The following RNF40 variants were observed in gnomAD, a reference collection of about 807,000 sequenced individuals.
RNF40 encodes ring finger protein 40.
In RNF40, 39 loss-of-function variants were observed where a neutral mutation model predicts 123.3. The ratio of observed to expected loss-of-function variants is 0.32; its 90% CI spans 0.24 to 0.41. RNF40 has a LOEUF of 0.41. RNF40 is among the 10% of genes least tolerant of loss of function. The pLI is 1.00. For missense variants in RNF40, 1,003 were observed against 1,319.9 expected, an observed-to-expected ratio of 0.76 and a Z score of 3.72; for synonymous variants, 538 against 526.0, an observed-to-expected ratio of 1.02 and a Z score of -0.31.
rs764192018 is a variant in RNF40, at chr16:30,769,254, C to T, written c.2316C>T (p.Asn772=). 2.2e-5 allele frequency: 36 copies of T among 1,614,108 alleles called. 1 individual carries two copies. Among genetic ancestry groups the T allele is most frequent in the Middle Eastern group, 1.6e-4 (1 of 6,084 alleles). The change falls in exon 16 of 20, where the codon AAC becomes AAT. Residue 772 remains asparagine, a synonymous_variant. Coordinates refer to ENST00000324685, the MANE Select transcript of RNF40 (RefSeq NM_014771.4). The stretch of plus-strand genomic sequence containing the variant: ...CTTTTGAGGACATGCAGGAACAGAA[C>T]GGGCGGCTGCTACAGCAGTTGCGGG... The part of the protein sequence containing the change: ...GQAFEDMQEQ[N]GRLLQQLREK...
At chr16:30,767,499 TAAAAAAA>T (rs879532090) in intron 11 of RNF40, among the ~76,000 whole-genome samples, 1 of 137,556 alleles carries the variant, frequency 7.3e-6, no homozygotes, top group Non-Finnish European at 1.6e-5. Flanking sequence ...ATTGGATGTA[TAAAAAAA>T]AAAAAGAAAA....
rs2054027348 is a variant in RNF40 at position 30,766,142 on chromosome 16, G to A, written c.994-21G>A. 2 of 1,613,472 alleles carry A rather than the reference G, an allele frequency of 1.2e-6. No homozygotes were observed. The highest frequency in any genetic ancestry group is 1.3e-5 in the African/African-American group (1 of 75,036). ...GCCACGTCTGGCCCTGCCTCCCATG[G>A]CCCTGCCTCCCACTCCTTAGTTTGA... On this transcript the variant is annotated intron_variant, in intron 8 of 19. Transcript: ENST00000324685. This position sits in a 1 kb window ranked among gnomAD's most constrained non-coding sequence, Gnocchi z 5.4.
intron 5 of RNF40, among the ~76,000 whole-genome samples, 167 bp downstream of exon 5, chr16:30,764,552 C>T (rs565962583): frequency 2.6e-5 from 4 of 152,298 alleles, no homozygotes; most frequent in African/African-American, 9.6e-5. Flanking sequence ...ATGGGGGTTC[C>T]AACTTTGATT....
chr16:30,765,189 G>A lies in RNF40; in HGVS notation c.780G>A (p.Glu260=). 1 of 1,614,176 alleles carries A rather than the reference G, an allele frequency of 6.2e-7. No individual in the cohort carries two copies. The highest frequency in any genetic ancestry group is 8.5e-7 in the Non-Finnish European group (1 of 1,179,998). ...KHHRISLEYS[E]LQDKVTSAET... ...TCCCTCATTGTTCCCAGTACTCCGA[G>A]CTCCAGGATAAAGTGACATCGGCAG... The change falls in exon 7 of 20, where the codon GAG becomes GAA. Residue 260 remains glutamate, a synonymous_variant. Transcript: ENST00000324685.
Position 30,769,351 on chromosome 16 carries a change from G to A in RNF40, c.2413G>A (p.Glu805Lys), listed in dbSNP as rs1327802749. The part of the protein sequence containing the change: ...KANQIHKLLR[E>K]EKDELGEQVL... ...CAACCAGATTCACAAGCTGCTGCGG[G>A]AGGAGAAGGATGAGTTGGGCGAGCA... Residue 805 changes from glutamate (E) to lysine (K), a missense_variant, in exon 16 of 20, where the codon GAG (glutamate) becomes AAG (lysine). Transcript: ENST00000324685. 1 of 1,614,104 alleles carries A rather than the reference G, an allele frequency of 6.2e-7. No homozygotes were observed. The highest frequency in any genetic ancestry group is 8.5e-7 in the Non-Finnish European group (1 of 1,180,046).
upstream of RNF40, chr16:30,761,818 G>C: frequency 7.2e-7 from 1 of 1,393,684 alleles, no homozygotes; most frequent in Non-Finnish European, 9.5e-7. Context: ...GCCAGCGCTC[G>C]GTCGGCGGCT....
In RNF40 at chr16:30,762,687, C is replaced by T. The variant is rs1309276655; in HGVS notation, c.132+10C>T. ...AGGCATCTCTTCCACGGTTCGTGGGCTCTTGCCTTAACCCTCAGAACTTCC... is the reference window on the plus strand; with the variant it reads ...AGGCATCTCTTCCACGGTTCGTGGGTTCTTGCCTTAACCCTCAGAACTTCC... On this transcript the variant is annotated intron_variant, in intron 2 of 19. Coordinates refer to ENST00000324685, the MANE Select transcript of RNF40 (RefSeq NM_014771.4). The T allele has an allele frequency of 1.9e-6, 3 of 1,611,862 alleles. No homozygotes were observed. The highest frequency in any genetic ancestry group is 4.5e-5 in the East Asian group (2 of 44,838).
chr16:30,772,047 G>C, intron 18 of RNF40, 42 bp from the exon 19 acceptor site: 1 of 1,582,942 alleles, frequency 6.3e-7, no homozygotes, highest in Non-Finnish European at 8.6e-7. Context: ...AGCGGCTCAA[G>C]GTTGAGGACC....
chr16:30,761,627 C>T, upstream of RNF40: 1 of 1,536,118 alleles, frequency 6.5e-7, no homozygotes, highest in Non-Finnish European at 8.7e-7. Context: ...CGCACGCGTC[C>T]GCGCGGCCGA....
chr16:30,767,328 G>A (rs1264074844), intron 11 of RNF40, among the ~76,000 whole-genome samples: 1 of 152,154 alleles, frequency 6.6e-6, no homozygotes, highest in Admixed American at 6.5e-5. Context: ...TTGACAGATA[G>A]GAAAGTAAAG....
intron 8 of RNF40, among the ~76,000 whole-genome samples, chr16:30,765,719 T>C (rs2054015989): frequency 2.6e-5 from 4 of 152,372 alleles, no homozygotes; most frequent in Non-Finnish European, 4.4e-5. Flanking sequence ...GTCAAAACTT[T>C]CATGGACCAG....
chr16:30,767,276 G>A (rs950004981), intron 11 of RNF40, among the ~76,000 whole-genome samples: 23 of 152,226 alleles, frequency 1.5e-4, no homozygotes, highest in Admixed American at 1.5e-3. Context: ...CAGACTAGAG[G>A]AAGACGAACT....
intron 11 of RNF40, chr16:30,767,529 G>A (rs1028601223): frequency 5.3e-6 from 1 of 188,046 alleles, no homozygotes; most frequent in East Asian, 1.3e-4. Context: ...CCTAGGCCAG[G>A]TGTGGTGATT....
rs1327358471 is a variant in RNF40 at position 30,768,231 on chromosome 16, C to T, written c.1680C>T (p.Asn560=). 5 of 1,613,894 alleles carry T rather than the reference C, an allele frequency of 3.1e-6. No homozygotes were observed. The South Asian group carries it at 4.4e-5, about 14-fold the overall frequency. ...CAGGCCCTGTCAGTACCCCCGACAACAGAAAGGAGATGGCTCCAGTGCCTG... is the reference window on the plus strand; with the variant it reads ...CAGGCCCTGTCAGTACCCCCGACAATAGAAAGGAGATGGCTCCAGTGCCTG... ...GGPGPVSTPD[N]RKEMAPVPGT... is the part of the protein sequence containing the mutation. Residue 560 remains asparagine (N), a synonymous_variant, in exon 13 of 20, where the codon AAC becomes AAT. Transcript: ENST00000324685. The surrounding 1 kb of genome is among the most constrained non-coding windows in gnomAD (Gnocchi z 4.1).
chr16:30,765,067 G>A lies in RNF40; in HGVS notation c.771+8G>A, dbSNP rs769211767. Reference sequence around the variant, plus strand: ...CACCGCATCTCATTGGAGGTGAGGAGCCGGGGGCTTTGGGGGTGTGATTAG... The same window carrying A: ...CACCGCATCTCATTGGAGGTGAGGAACCGGGGGCTTTGGGGGTGTGATTAG... On this transcript the variant is annotated splice_region_variant and intron_variant, in intron 6 of 19. Transcript: ENST00000324685. The A allele has an allele frequency of 1.9e-6, 3 of 1,613,844 alleles. No individual in the cohort carries two copies. The South Asian group carries it at 3.3e-5, about 18-fold the overall frequency.
chr16:30,768,368 C>G lies in RNF40; in HGVS notation c.1817C>G (p.Pro606Arg), dbSNP rs1596754175. 1 of 1,613,536 alleles carries G rather than the reference C, an allele frequency of 6.2e-7. No homozygotes were observed. ...AQGPSSRGRE[P>R]EARPKRELRE... is the part of the protein sequence containing the mutation. ...GGCCCTTCCTCCCGGGGCCGAGAAC[C>G]TGAGGCCAGGCCCAAGCGGGAGCTT... The change falls in exon 13 of 20, where the codon CCT becomes CGT. Residue 606 changes from proline to arginine, a missense_variant. Around this residue, in one of 11 missense-constraint regions of RNF40, gnomAD observed 295 missense variants for 331.7 expected, o/e 0.89. Coordinates refer to ENST00000324685, the MANE Select transcript of RNF40 (RefSeq NM_014771.4). This position sits in a 1 kb window ranked among gnomAD's most constrained non-coding sequence, Gnocchi z 4.1.
Position 30,766,075 on chromosome 16 carries a change from C to G in RNF40, c.994-88C>G. 1.3e-6 allele frequency: 2 copies of G among 1,579,782 alleles called. No individual in the cohort carries two copies. The highest frequency in any genetic ancestry group is 1.7e-6 in the Non-Finnish European group (2 of 1,153,486). On this transcript the variant is annotated intron_variant, in intron 8 of 19. Coordinates refer to ENST00000324685, the MANE Select transcript of RNF40 (RefSeq NM_014771.4). The surrounding 1 kb of genome is among the most constrained non-coding windows in gnomAD (Gnocchi z 5.4). Reference sequence around the variant, plus strand: ...ATCGATCATTGCCCTGCACGGGGTGCTTGGGGTGGAGTGTATGCTGGGGAT... The same window carrying G: ...ATCGATCATTGCCCTGCACGGGGTGGTTGGGGTGGAGTGTATGCTGGGGAT...
At chr16:30,772,264 GTC>G (rs1290622711) in intron 19 of RNF40, 74 bp downstream of exon 19, 1 of 1,228,396 alleles carries the variant, frequency 8.1e-7, no homozygotes, top group South Asian at 1.3e-5. Flanking sequence ...CTAGTGGAGA[GTC>G]TGGGGACCCT....
chr16:30,764,267 G>A lies in RNF40; in HGVS notation c.531G>A (p.Val177=). 6.2e-7 allele frequency: 1 copy of A among 1,613,320 alleles called. No homozygotes were observed. ...VALGASSSEE[V]ELELQGRMEF... ...TGGGTGCCAGCAGCAGTGAGGAGGTGGAGCTGGAGCTGCAAGGCCGAATGG... is the reference window on the plus strand; with the variant it reads ...TGGGTGCCAGCAGCAGTGAGGAGGTAGAGCTGGAGCTGCAAGGCCGAATGG... Residue 177 remains valine, a synonymous_variant, in exon 5 of 20, where the codon GTG becomes GTA. Coordinates refer to ENST00000324685, the MANE Select transcript of RNF40 (RefSeq NM_014771.4).
Sources: allele counts gnomAD v4.1 joint callset (sites outside exome capture counted in the v4.1 genomes callset), GRCh38; gene constraint gnomAD v4.1.1; regional missense constraint gnomAD v4.1.1; non-coding constraint Gnocchi (gnomAD v3.1); transcripts MANE v1.5; gene names NCBI Gene and HGNC (gene_info 2026-07-23, HGNC 2026-07-21).